MARK1: variants seen among roughly 807,000 people sequenced by gnomAD.
MARK1 encodes the protein microtubule affinity regulating kinase 1, also known as serine/threonine-protein kinase MARK1.
In MARK1, 40 loss-of-function variants were observed where a neutral mutation model predicts 96.3. The ratio of observed to expected loss-of-function variants is 0.42; its 90% CI spans 0.32 to 0.54. The LOEUF is 0.54. MARK1 is among the 20% of genes least tolerant of loss of function. MARK1 has a pLI of 0.16. For synonymous variants in MARK1, 317 were observed against 341.2 expected, an observed-to-expected ratio of 0.93 and a Z score of 0.78; for missense variants, 719 against 984.6, an observed-to-expected ratio of 0.73 and a Z score of 3.61.
At chr1:220,612,584 A>G (rs376128650) in intron 6 of MARK1, among the ~76,000 whole-genome samples, 1 of 152,116 alleles carries the variant, frequency 6.6e-6, no homozygotes, top group African/African-American at 2.4e-5. Context: ...CAAACCAGAG[A>G]TATGTAAACA....
At chr1:220,573,384 C>T in intron 1 of MARK1, among the ~76,000 whole-genome samples, 1 of 152,080 alleles carries the variant, frequency 6.6e-6, no homozygotes, top group Non-Finnish European at 1.5e-5. Flanking sequence ...AGTGCAGTGG[C>T]ATGATCTTGG....
At chr1:220,650,539 C>G in intron 13 of MARK1, 81 bp from the exon 14 acceptor site, 2 of 849,102 alleles carry the variant, frequency 2.4e-6, no homozygotes, top group Non-Finnish European at 3.8e-6. Flanking sequence ...GGATTTTTCT[C>G]AAAGTCAGCT....
At chr1:220,560,316 G>A (rs552516247) in intron 1 of MARK1, among the ~76,000 whole-genome samples, 6 of 152,176 alleles carry the variant, frequency 3.9e-5, no homozygotes, top group Non-Finnish European at 8.8e-5. Context: ...TGAAACTGCA[G>A]ATATACATAT....
chr1:220,586,014 CGCGCGT>C (rs1171032396), intron 3 of MARK1, among the ~76,000 whole-genome samples: 6 of 140,244 alleles, frequency 4.3e-5, no homozygotes, highest in African/African-American at 1.8e-4. Flanking sequence ...CACACACACG[CGCGCGT>C]GCGCAGAGAG....
intron 6 of MARK1, 36 bp from the exon 7 acceptor site, chr1:220,615,902 TA>T: frequency 1.7e-6 from 2 of 1,195,560 alleles, no homozygotes; most frequent in Non-Finnish European, 1.2e-6. Context: ...TGCGTTTTTT[TA>T]ATAATTTGAC....
At position 220,582,339 on chromosome 1, in the gene MARK1, T is replaced by A. The variant is rs762359265; in HGVS notation, c.309+1221T>A. Among the ~76,000 whole-genome samples the A allele has an allele frequency of 5.7e-4, 87 of 152,344 alleles. 1 individual carries two copies. The highest frequency in any genetic ancestry group is 3.4e-3 in the Middle Eastern group (1 of 294). ...AAAGTCTCTTCTTTTAGCACCAGTC[T>A]TTTTGCTAACCATGATGCCTTTGTG... On this transcript the variant is annotated intron_variant, in intron 3 of 17. Transcript: ENST00000366917.
At chr1:220,562,985 C>T (rs1174204634) in intron 1 of MARK1, among the ~76,000 whole-genome samples, 2 of 152,220 alleles carry the variant, frequency 1.3e-5, no homozygotes, top group East Asian at 3.9e-4. Flanking sequence ...ATATTGATAT[C>T]AGTCCTCTTC....
intron 9 of MARK1, among the ~76,000 whole-genome samples, chr1:220,622,490 T>C (rs1241051610): frequency 6.6e-6 from 1 of 152,258 alleles, no homozygotes. Flanking sequence ...TTCATAATTT[T>C]TTAATGAAAG....
chr1:220,567,371 C>T (rs970329681), intron 1 of MARK1, among the ~76,000 whole-genome samples: 2 of 152,038 alleles, frequency 1.3e-5, no homozygotes, highest in Non-Finnish European at 1.5e-5. Flanking sequence ...AGTGGAGTTG[C>T]TGGCTCATGG....
Position 220,618,586 on chromosome 1 carries a change from A to G in MARK1, c.789+40A>G. ...CTTTATTAATGTTTTATCCCCAAGT[A>G]TGATTATGTCAAAAACCAGTTATAA... On this transcript the variant is annotated intron_variant, in intron 8 of 17. Transcript: ENST00000366917. This position sits in a 1 kb window ranked among gnomAD's most constrained non-coding sequence, Gnocchi z 4.6. The G allele has an allele frequency of 3.1e-6, 5 of 1,613,090 alleles. No homozygotes were observed. The highest frequency in any genetic ancestry group is 4.2e-6 in the Non-Finnish European group (5 of 1,179,660).
intron 1 of MARK1, among the ~76,000 whole-genome samples, chr1:220,550,261 C>G (rs1159438310): frequency 6.6e-6 from 1 of 152,144 alleles, no homozygotes; most frequent in Non-Finnish European, 1.5e-5. Context: ...ATATAGTATT[C>G]TTCTGTTGTC....
Position 220,618,158 on chromosome 1 carries a change from G to C in MARK1, c.553-152G>C. The C allele has an allele frequency of 1.6e-6, 1 of 609,748 alleles. No individual in the cohort carries two copies. Among genetic ancestry groups the C allele is most frequent in the East Asian group, 2.7e-5 (1 of 36,368 alleles). 37.8% of individuals were successfully genotyped at this position (609,748 alleles called of 1,614,324 possible). On this transcript the variant is annotated intron_variant, in intron 7 of 17. Transcript: ENST00000366917. This position sits in a 1 kb window ranked among gnomAD's most constrained non-coding sequence, Gnocchi z 4.6. ...TGTAGATGTAATTCAGAACAGTTAT[G>C]CATTGAAGTACCATACTGGGCTTCT... is the stretch of plus-strand genomic sequence containing the variant.
chr1:220,550,260 T>G (rs1443174431), intron 1 of MARK1, among the ~76,000 whole-genome samples: 2 of 152,236 alleles, frequency 1.3e-5, no homozygotes, highest in Non-Finnish European at 2.9e-5. Flanking sequence ...AATATAGTAT[T>G]CTTCTGTTGT....
At chr1:220,657,172 T>G (rs183166180) in intron 16 of MARK1, among the ~76,000 whole-genome samples, 3 of 152,288 alleles carry the variant, frequency 2.0e-5, no homozygotes, top group Admixed American at 2.0e-4. Flanking sequence ...CAATTAGTAG[T>G]GTTTTCCTGG....
Position 220,578,873 on chromosome 1 carries a change from C to T in MARK1, c.52-481C>T, listed in dbSNP as rs535985622. Among the ~76,000 whole-genome samples, 29 of 152,196 alleles carry T rather than the reference C, an allele frequency of 1.9e-4. No individual in the cohort carries two copies. In the South Asian group the frequency reaches 5.6e-3, roughly 29 times the overall value. On this transcript the variant is annotated intron_variant, in intron 1 of 17. Transcript: ENST00000366917. ...ATTTTATTTTTTTGAGATGGAGTCCCGCTCTGTCACCCAGGCTGGAGTGCA... is the reference window on the plus strand; with the variant it reads ...ATTTTATTTTTTTGAGATGGAGTCCTGCTCTGTCACCCAGGCTGGAGTGCA...
At chr1:220,621,493 G>A (rs926948127) in intron 9 of MARK1, among the ~76,000 whole-genome samples, 11 of 151,866 alleles carry the variant, frequency 7.2e-5, no homozygotes, top group African/African-American at 2.2e-4. Flanking sequence ...TTGATGCCTC[G>A]CTTTAATTTG....
At position 220,598,343 on chromosome 1, in the gene MARK1, G is replaced by A; in HGVS notation, c.322G>A (p.Val108Ile). 1 of 606,610 alleles carries A rather than the reference G, an allele frequency of 1.6e-6. No individual in the cohort carries two copies. The highest frequency in any genetic ancestry group is 2.0e-5 in the African/African-American group (1 of 50,346). The allele number at this position is 606,610 out of a possible 1,614,324, so 37.6% of individuals were successfully genotyped here. A position where few individuals can be genotyped will look rare whatever the true frequency, so the allele number is the denominator to read the frequency against. ...PTSLQKLFRE[V>I]RIMKILNHPN... is the part of the protein sequence containing the mutation. ...TTTTCTTTAACAGTTATTTCGAGAA[G>A]TACGAATAATGAAGATACTGAATCA... The change falls in exon 4 of 18, where the codon GTA (valine) becomes ATA (isoleucine). Residue 108 changes from valine to isoleucine, a missense_variant. Coordinates refer to ENST00000366917, the MANE Select transcript of MARK1 (RefSeq NM_018650.5).
intron 1 of MARK1, among the ~76,000 whole-genome samples, chr1:220,572,410 T>G (rs1055061378): frequency 3.9e-5 from 6 of 151,936 alleles, no homozygotes; most frequent in African/African-American, 1.2e-4. Flanking sequence ...CCTGGCTAAT[T>G]TTTTGTATTT....
At chr1:220,638,117 A>ATTT (rs35224257) in intron 13 of MARK1, among the ~76,000 whole-genome samples, 20 of 140,622 alleles carry the variant, frequency 1.4e-4, no homozygotes, top group South Asian at 4.6e-4. Flanking sequence ...TGGGGCTTAA[A>ATTT]TTTTTTTTTT....
Sources: allele counts gnomAD v4.1 joint callset (sites outside exome capture counted in the v4.1 genomes callset), GRCh38; gene constraint gnomAD v4.1.1; non-coding constraint Gnocchi (gnomAD v3.1); transcripts MANE v1.5; gene names NCBI Gene and HGNC (gene_info 2026-07-23, HGNC 2026-07-21).